The following TRMT61B variants were observed in gnomAD, a reference collection of about 807,000 sequenced individuals.
The protein encoded by TRMT61B is tRNA methyltransferase 61B.
A neutral mutation model predicts 52.0 loss-of-function variants in TRMT61B; 56 were observed. That is an observed-to-expected ratio of 1.08 (90% CI 0.87 to 1.35). The LOEUF is 1.35. TRMT61B is among the 40% of genes most tolerant of loss of function. The pLI is 0.00. For synonymous variants in TRMT61B, 206 were observed against 220.0 expected, an observed-to-expected ratio of 0.94 and a Z score of 0.56; for missense variants, 650 against 577.9, an observed-to-expected ratio of 1.12 and a Z score of -1.28.
rs1255413971 is a variant in TRMT61B at position 28,850,415 on chromosome 2, A to C, written c.1313-10T>G. On this transcript the variant is annotated splice_polypyrimidine_tract_variant and intron_variant, in intron 5 of 6. Coordinates refer to ENST00000306108, the MANE Select transcript of TRMT61B (RefSeq NM_017910.4). Reference sequence around the variant, plus strand: ...TCAGAATGCGATTCTTCTGTTGTAAAAAAATATATGTACTATAAGCTACAT... The same window carrying C: ...TCAGAATGCGATTCTTCTGTTGTAACAAAATATATGTACTATAAGCTACAT... 1 of 1,565,848 alleles carries C rather than the reference A, an allele frequency of 6.4e-7. No individual in the cohort carries two copies. The highest frequency in any genetic ancestry group is 1.4e-5 in the African/African-American group (1 of 73,688).
chr2:28,860,514 C>T (rs887244161), intron 3 of TRMT61B, among the ~76,000 whole-genome samples: 3 of 152,194 alleles, frequency 2.0e-5, no homozygotes, highest in East Asian at 3.9e-4. Flanking sequence ...CATGTTTGAT[C>T]GCAGCTTAAT....
Position 28,850,035 on chromosome 2 carries a change from CTA to C in TRMT61B, c.*162_*163del. The C allele has an allele frequency of 8.4e-7, 1 of 1,185,848 alleles. No homozygotes were observed. Among genetic ancestry groups the C allele is most frequent in the South Asian group, 1.3e-5 (1 of 74,544 alleles). 73.5% of individuals were successfully genotyped at this position (1,185,848 alleles called of 1,614,324 possible). A position where few individuals can be genotyped will look rare whatever the true frequency, so the allele number is the denominator to read the frequency against. On this transcript the variant is annotated 3_prime_UTR_variant, in exon 7 of 7. Transcript: ENST00000306108. ...AAAATGGGATGTTTAAGCAGTTTTG[CTA>C]TGTTATACATCTTTTAGTTGTTATT...
At chr2:28,853,652 A>G (rs1669218350) in intron 3 of TRMT61B, among the ~76,000 whole-genome samples, 2 of 150,782 alleles carry the variant, frequency 1.3e-5, no homozygotes, top group Non-Finnish European at 3.0e-5. Flanking sequence ...CCTGGCCAAC[A>G]TGGCAAAACC....
At position 28,850,567 on chromosome 2, in the gene TRMT61B, A is replaced by G. The variant is rs933505845; in HGVS notation, c.1313-162T>C. On this transcript the variant is annotated intron_variant, in intron 5 of 6. Transcript: ENST00000306108. Reference sequence around the variant, plus strand: ...CTCTGCCAGTTATTATACAGAAACTATTTGTCAATGATTATGTAATAAACA... The same window carrying G: ...CTCTGCCAGTTATTATACAGAAACTGTTTGTCAATGATTATGTAATAAACA... The G allele has an allele frequency of 1.4e-5, 8 of 569,372 alleles. No individual in the cohort carries two copies. The African/African-American group carries it at 1.5e-4, about 11-fold the overall frequency. 35.3% of individuals were successfully genotyped at this position (569,372 alleles called of 1,614,324 possible). A position where few individuals can be genotyped will look rare whatever the true frequency, so the allele number is the denominator to read the frequency against.
chr2:28,851,278 A>G lies in TRMT61B; in HGVS notation c.1106T>C (p.Leu369Pro), dbSNP rs756114134. 42 of 1,612,640 alleles carry G rather than the reference A, an allele frequency of 2.6e-5. 1 individual carries two copies. In the South Asian group the frequency reaches 4.3e-4, roughly 17 times the overall value. Residue 369 changes from leucine to proline, a missense_variant, in exon 5 of 7, where the codon CTT becomes CCT. Coordinates refer to ENST00000306108, the MANE Select transcript of TRMT61B (RefSeq NM_017910.4). ...YVVNITQVIE[L>P]LDGIRTCELA... ...TTCACAGGTGCGAATTCCATCTAAA[A>G]GTTCAATAACCTGTGTGATGCTTTC...
Position 28,869,194 on chromosome 2 carries a change from T to C in TRMT61B, c.699+385A>G, listed in dbSNP as rs1034455813. 5.3e-5 allele frequency among the ~76,000 whole-genome samples: 8 copies of C among 152,236 alleles called. No individual in the cohort carries two copies. In the East Asian group the frequency reaches 1.5e-3, roughly 29 times the overall value. On this transcript the variant is annotated intron_variant, in intron 1 of 6. Coordinates refer to ENST00000306108, the MANE Select transcript of TRMT61B (RefSeq NM_017910.4). ...ATTATTGAATATTAAAATATCATCA[T>C]AGTAGTACTAAAAAATTGTTCCCTA...
At chr2:28,856,636 TTAAA>T (rs1358244197) in intron 3 of TRMT61B, among the ~76,000 whole-genome samples, 1 of 152,102 alleles carries the variant, frequency 6.6e-6, no homozygotes, top group African/African-American at 2.4e-5. Context: ...TCTTATTTAA[TTAAA>T]TTTTTTTTTT....
In TRMT61B at chr2:28,852,446, A is replaced by C; in HGVS notation, c.1047T>G (p.His349Gln). Residue 349 changes from histidine (H) to glutamine (Q), a missense_variant, in exon 4 of 7, where the codon CAT becomes CAG. His to Gln is a conservative substitution (Grantham distance 24). Transcript: ENST00000306108. ...CAGCACATACACCACCATGCTTAAG[A>C]TGTGGGTAAAAAACAGGCAAAGTAA... ...PHVTLPVFYPHLKHGGVCAVY... is the reference protein window; with the variant it reads ...PHVTLPVFYPQLKHGGVCAVY... 6.2e-7 allele frequency: 1 copy of C among 1,612,436 alleles called. No homozygotes were observed. Among genetic ancestry groups the C allele is most frequent in the Non-Finnish European group, 8.5e-7 (1 of 1,178,798 alleles).
chr2:28,852,271 C>T (rs1669142650), intron 4 of TRMT61B, 137 bp downstream of exon 4: 3 of 504,940 alleles, frequency 5.9e-6, no homozygotes, highest in Admixed American at 4.6e-5. Flanking sequence ...TGAGATCATA[C>T]CACTACACTC....
chr2:28,862,099 G>C (rs756781784), intron 2 of TRMT61B: 1 of 151,194 alleles, frequency 6.6e-6, no homozygotes, highest in East Asian at 2.0e-4. Flanking sequence ...CCAGCTACTC[G>C]GGAGACTGAG....
intron 1 of TRMT61B, among the ~76,000 whole-genome samples, chr2:28,866,744 T>C (rs1026963562): frequency 6.6e-6 from 1 of 152,232 alleles, no homozygotes; most frequent in African/African-American, 2.4e-5. Context: ...ATTGGAATTG[T>C]TTTTGTTAAC....
intron 3 of TRMT61B, among the ~76,000 whole-genome samples, chr2:28,855,580 T>C (rs1305623307): frequency 6.6e-6 from 1 of 152,164 alleles, no homozygotes; most frequent in African/African-American, 2.4e-5. Flanking sequence ...GGAGGTGTCA[T>C]TTACTAATGA....
chr2:28,869,992 C>A lies in TRMT61B; in HGVS notation c.286G>T (p.Glu96Ter). The A allele has an allele frequency of 1.2e-6, 2 of 1,613,778 alleles. No homozygotes were observed. Among genetic ancestry groups the A allele is most frequent in the Non-Finnish European group, 1.7e-6 (2 of 1,180,034 alleles). ...ENLRLPTLRE[E>*]SSPRELEDSS... ...TCCTCGAGCTCTCGAGGGGATGACT[C>A]TTCCCGCAGCGTCGGCAGTCTGAGG... Residue 96 changes from glutamate to a stop codon, truncating the protein, a stop_gained, in exon 1 of 7, where the codon GAG (glutamate) becomes TAG (stop). Transcript: ENST00000306108. LOFTEE classifies it high-confidence loss of function.
In TRMT61B at chr2:28,869,654, C is replaced by G. The variant is rs1320882931; in HGVS notation, c.624G>C (p.Gln208His). 1 of 1,614,208 alleles carries G rather than the reference C, an allele frequency of 6.2e-7. No individual in the cohort carries two copies. ...CCAAGGCTGGCCTCCTCAGCATGTA[C>G]TGCTTACCGAAGGAACTCCTCAGTA... ...GQILRSSFGK[Q>H]YMLRRPALED... The change falls in exon 1 of 7, where the codon CAG becomes CAC. Residue 208 changes from glutamine (Q) to histidine (H), a missense_variant. Coordinates refer to ENST00000306108, the MANE Select transcript of TRMT61B (RefSeq NM_017910.4).
At chr2:28,868,947 G>A (rs1303572665) in intron 1 of TRMT61B, among the ~76,000 whole-genome samples, 4 of 152,030 alleles carry the variant, frequency 2.6e-5, no homozygotes, top group Non-Finnish European at 5.9e-5. Flanking sequence ...GAGGTTGCAG[G>A]GAGCCAAGAT....
chr2:28,858,587 G>C (rs1211159585), intron 3 of TRMT61B, among the ~76,000 whole-genome samples: 1 of 151,130 alleles, frequency 6.6e-6, no homozygotes, highest in Non-Finnish European at 1.5e-5. Context: ...TTGAGCCCTG[G>C]AGTTCGAGAC....
intron 2 of TRMT61B, among the ~76,000 whole-genome samples, chr2:28,863,373 G>C (rs139714826): frequency 1.3e-5 from 2 of 150,946 alleles, no homozygotes; most frequent in South Asian, 2.1e-4. Context: ...CAAGGCTGTA[G>C]TGAGCCACGA....
chr2:28,857,025 C>T (rs898111193), intron 3 of TRMT61B, among the ~76,000 whole-genome samples: 1 of 152,082 alleles, frequency 6.6e-6, no homozygotes, highest in African/African-American at 2.4e-5. Context: ...CCTCTGCCTC[C>T]TGGGTTCCAG....
intron 3 of TRMT61B, among the ~76,000 whole-genome samples, chr2:28,853,325 G>A (rs1454694744): frequency 6.6e-6 from 1 of 151,934 alleles, no homozygotes; most frequent in Non-Finnish European, 1.5e-5. Flanking sequence ...ACAGGCAGGC[G>A]CCACCATTCT....
Sources: allele counts gnomAD v4.1 joint callset (sites outside exome capture counted in the v4.1 genomes callset), GRCh38; gene constraint gnomAD v4.1.1; transcripts MANE v1.5; gene names NCBI Gene and HGNC (gene_info 2026-07-23, HGNC 2026-07-21).